The following CERKL variants were observed in gnomAD, a reference collection of about 807,000 sequenced individuals.
CERKL encodes the protein ceramide kinase-like protein.
Under a neutral mutation model 63.4 loss-of-function variants are expected in CERKL, and 61 were observed. That is an observed-to-expected ratio of 0.96 (90% CI 0.78 to 1.19). CERKL has a LOEUF of 1.19. Ranked by LOEUF, CERKL falls within the 50% of genes most tolerant of loss-of-function variation. The probability of loss-of-function intolerance (pLI) is 0.00; values close to 1 mark genes in which losing one functional copy is unlikely to be tolerated. For missense variants in CERKL, 675 were observed against 655.5 expected (o/e 1.03, Z -0.33); for synonymous variants, 250 against 230.5 (o/e 1.08, Z -0.77).
chr2:181,561,705 A>G (rs1021531747), intron 4 of CERKL, among the ~76,000 whole-genome samples: 26 of 152,106 alleles, frequency 1.7e-4, no homozygotes, highest in African/African-American at 5.8e-4. Flanking sequence ...CTGATAAGAG[A>G]TATTGACCAT....
At position 181,544,912 on chromosome 2, in the gene CERKL, T is replaced by C. The variant is rs1483483095; in HGVS notation, c.1269-116A>G. 45 of 591,796 alleles carry C rather than the reference T, an allele frequency of 7.6e-5. No individual in the cohort carries two copies. The Admixed American group carries it at 1.3e-3, about 17-fold the overall frequency. 36.7% of individuals were successfully genotyped at this position (591,796 alleles called of 1,614,324 possible). A position where few individuals can be genotyped will look rare whatever the true frequency, so the allele number is the denominator to read the frequency against. On this transcript the variant is annotated intron_variant, in intron 10 of 12. Coordinates refer to ENST00000410087, the MANE Select transcript of CERKL (RefSeq NM_201548.5). ...TGTTTACTGAAAGTATTGGACAAGA[T>C]AGATAAATCACCATGTTACGTTTAC...
chr2:181,656,402 GGGA>G (rs1177402597), intron 1 of CERKL, among the ~76,000 whole-genome samples: 5 of 152,166 alleles, frequency 3.3e-5, no homozygotes, highest in African/African-American at 1.2e-4. Flanking sequence ...CAACTTGGAG[GGGA>G]GGAGTAGTTG....
intron 1 of CERKL, among the ~76,000 whole-genome samples, chr2:181,635,213 G>A (rs1229761555): frequency 6.6e-6 from 1 of 152,082 alleles, no homozygotes; most frequent in African/African-American, 2.4e-5. Context: ...TCCAGAGTAG[G>A]TTTGATCCCA....
intron 1 of CERKL, among the ~76,000 whole-genome samples, chr2:181,624,613 T>A (rs550206218): frequency 6.6e-6 from 1 of 152,120 alleles, no homozygotes; most frequent in African/African-American, 2.4e-5. Flanking sequence ...AGATGAGAAA[T>A]ACAATACTCC....
rs541272895 is a variant in CERKL at position 181,579,626 on chromosome 2, A to G, written c.482-5742T>C. On this transcript the variant is annotated intron_variant, in intron 2 of 12. Transcript: ENST00000410087. ...CACGGACCTATATTTGAATTTATCA[A>G]TCATCTCTTTTATGGCCTCTGGGCT... Among the ~76,000 whole-genome samples, 42 of 152,016 alleles carry G rather than the reference A, an allele frequency of 2.8e-4. 2 individuals carry two copies. The highest frequency in any genetic ancestry group is 9.9e-4 in the African/African-American group (41 of 41,354).
chr2:181,656,473 T>A (rs1688160215), intron 1 of CERKL, among the ~76,000 whole-genome samples: 2 of 151,928 alleles, frequency 1.3e-5, no homozygotes, highest in South Asian at 2.1e-4. Context: ...CTGCTGAGAC[T>A]CTGAGCAAAA....
chr2:181,545,840 A>G lies in CERKL; in HGVS notation c.1269-1044T>C, dbSNP rs115504159. On this transcript the variant is annotated intron_variant, in intron 10 of 12. Coordinates refer to ENST00000410087, the MANE Select transcript of CERKL (RefSeq NM_201548.5). ...AGCACTATCCTATGCCTGCTTTGCA[A>G]TATTTACTTGAAATAGAAACACAAC... 3.1e-3 allele frequency among the ~76,000 whole-genome samples: 470 copies of G among 152,308 alleles called. 2 individuals are homozygous for G. The highest frequency in any genetic ancestry group is 0.011 in the African/African-American group (462 of 41,576).
rs1206930484 is a variant in CERKL at position 181,552,833 on chromosome 2, T to A, written c.821-3125A>T. Among the ~76,000 whole-genome samples the A allele has an allele frequency of 2.6e-5, 4 of 151,924 alleles. No individual in the cohort carries two copies. In the East Asian group the frequency reaches 7.7e-4, roughly 29 times the overall value. On this transcript the variant is annotated intron_variant, in intron 5 of 12. Transcript: ENST00000410087. The stretch of plus-strand genomic sequence containing the variant: ...TCCATTTAAAAATAAGGATAATAGG[T>A]ATTAAAACAGTAATAGCAGTATTAA...
intron 1 of CERKL, among the ~76,000 whole-genome samples, chr2:181,651,323 C>T (rs1466506074): frequency 1.3e-5 from 2 of 152,170 alleles, no homozygotes; most frequent in Admixed American, 6.5e-5. Context: ...TAACTTGCTA[C>T]ATTCAAGTGC....
chr2:181,599,820 G>A (rs1685382832), intron 2 of CERKL, among the ~76,000 whole-genome samples: 1 of 152,148 alleles, frequency 6.6e-6, no homozygotes, highest in South Asian at 2.1e-4. Flanking sequence ...AATCTTGCCA[G>A]AGAGGTTAAC....
chr2:181,624,155 G>A (rs1686578693), intron 1 of CERKL, among the ~76,000 whole-genome samples: 1 of 152,158 alleles, frequency 6.6e-6, no homozygotes, highest in Admixed American at 6.5e-5. Flanking sequence ...GCCCATGTAG[G>A]GTAATATAGA....
At chr2:181,655,059 G>A (rs1688100034) in intron 1 of CERKL, among the ~76,000 whole-genome samples, 2 of 152,052 alleles carry the variant, frequency 1.3e-5, no homozygotes, top group South Asian at 4.2e-4. Context: ...TTGAATACCA[G>A]GTATTAATTA....
chr2:181,611,454 T>A (rs1574497195), intron 1 of CERKL, among the ~76,000 whole-genome samples: 1 of 151,746 alleles, frequency 6.6e-6, no homozygotes. Flanking sequence ...AGCCCAGGAG[T>A]TTGAGACCAG....
intron 1 of CERKL, among the ~76,000 whole-genome samples, chr2:181,643,595 T>G (rs1374307077): frequency 6.6e-6 from 1 of 152,256 alleles, no homozygotes; most frequent in Non-Finnish European, 1.5e-5. Context: ...TTGTGAAACT[T>G]TTGTTTTAGA....
chr2:181,584,428 C>G (rs1183305575), intron 2 of CERKL, among the ~76,000 whole-genome samples: 1 of 151,960 alleles, frequency 6.6e-6, no homozygotes, highest in East Asian at 1.9e-4. Flanking sequence ...GGGAGGATCA[C>G]TTGATATCAA....
At chr2:181,570,822 A>G (rs1688871460) in intron 3 of CERKL, among the ~76,000 whole-genome samples, 1 of 152,156 alleles carries the variant, frequency 6.6e-6, no homozygotes, top group African/African-American at 2.4e-5. Context: ...ATTATACTTC[A>G]TATTTATATA....
At chr2:181,602,732 T>C (rs1281422515) in intron 2 of CERKL, among the ~76,000 whole-genome samples, 1 of 152,226 alleles carries the variant, frequency 6.6e-6, no homozygotes, top group Non-Finnish European at 1.5e-5. Context: ...ATTTCTAACA[T>C]GCCTCTGTGA....
chr2:181,649,577 T>G (rs1687814114), intron 1 of CERKL: 1 of 152,196 alleles, frequency 6.6e-6, no homozygotes, highest in Non-Finnish European at 1.5e-5. Flanking sequence ...AGCAGACACT[T>G]ACAGAACATT....
chr2:181,558,674 C>A lies in CERKL; in HGVS notation c.712G>T (p.Glu238Ter). 6.2e-7 allele frequency: 1 copy of A among 1,613,602 alleles called. No individual in the cohort carries two copies. Among genetic ancestry groups the A allele is most frequent in the Non-Finnish European group, 8.5e-7 (1 of 1,179,742 alleles). Residue 238 changes from glutamate to a stop codon, truncating the protein, a stop_gained, in exon 5 of 13, where the codon GAA (glutamate) becomes TAA (stop). Coordinates refer to ENST00000410087, the MANE Select transcript of CERKL (RefSeq NM_201548.5). LOFTEE classifies it high-confidence loss of function. The surrounding 1 kb of genome is among the most constrained non-coding windows in gnomAD (Gnocchi z 4.2). ...VCVGGDGSAS[E>*]VAHALLLRAQ... The stretch of plus-strand genomic sequence containing the variant: ...CTCAGAAGCAAAGCATGGGCTACTT[C>A]GCTAGCAGATCCATCTCCACCAACA...
Sources: gnomAD v4.1 joint callset for allele counts (sites outside exome capture counted in the v4.1 genomes callset) on GRCh38, gnomAD v4.1.1 for gene constraint, Gnocchi (gnomAD v3.1) non-coding constraint, MANE v1.5 for transcripts, NCBI Gene and HGNC (gene_info 2026-07-23, HGNC 2026-07-21) for gene names.